ZNF469: variants seen among roughly 807,000 people sequenced by gnomAD.
ZNF469 encodes the protein zinc finger protein 469.
A neutral mutation model predicts 1.0 loss-of-function variants in ZNF469; 1 was observed. That is an observed-to-expected ratio of 1.00 (90% CI 0.35 to 4.73). The LOEUF is 4.73. Among genes scored for constraint, ZNF469 ranks in the 30% most tolerant of loss-of-function variants. ZNF469 has a pLI of 0.16. For synonymous variants in ZNF469, 2,703 were observed against 2,363.4 expected, an observed-to-expected ratio of 1.14 and a Z score of -4.17; for missense variants, 6,100 against 5,356.3, an observed-to-expected ratio of 1.14 and a Z score of -4.33.
At position 88,436,855 on chromosome 16, in the gene ZNF469, G is replaced by A. The variant is rs1440676014; in HGVS notation, c.9385G>A (p.Glu3129Lys). 7 of 1,529,222 alleles carry A rather than the reference G, an allele frequency of 4.6e-6. No homozygotes were observed. The highest frequency in any genetic ancestry group is 2.0e-5 in the Admixed American group (1 of 49,952). The allele number at this position is 1,529,222 out of a possible 1,614,324, so 94.7% of individuals were successfully genotyped here. ...CTTCCAGCGCTTCCGCAGCCTGGGC[G>A]AGCTGGACCTGCACAAGCTGGCCCA... ...VCFQRFRSLG[E>K]LDLHKLAHTP... Residue 3129 changes from glutamate to lysine, a missense_variant, in exon 3 of 3, where the codon GAG (glutamate) becomes AAG (lysine). Transcript: ENST00000565624.
intron 1 of ZNF469, among the ~76,000 whole-genome samples, chr16:88,417,897 C>A (rs939363455): frequency 3.3e-5 from 5 of 152,216 alleles, no homozygotes; most frequent in African/African-American, 1.2e-4. Context: ...TGAGCATGTG[C>A]TCACGCGTGT....
At chr16:88,359,023 C>T in the ZNF469 span, among the ~76,000 whole-genome samples, 3 of 152,218 alleles carry the variant, frequency 2.0e-5, no homozygotes, top group East Asian at 3.9e-4. Flanking sequence ...TACGGGGACT[C>T]CCCCTAGAAG....
Position 88,436,934 on chromosome 16 carries a change from C to T in ZNF469, c.9464C>T (p.Ser3155Leu), listed in dbSNP as rs953786373. The change falls in exon 3 of 3, where the codon TCG becomes TTG. Residue 3155 changes from serine to leucine, a missense_variant. By Grantham distance (145) the Ser-to-Leu change is moderately radical. Transcript: ENST00000565624. Reference protein sequence around the residue: ...CYMCVERRFGSRELLRGHLQE... With the variant: ...CYMCVERRFGLRELLRGHLQE... ...ATGTGCGTGGAGCGCAGGTTTGGCT[C>T]GCGGGAGCTGCTGCGGGGGCACCTG... 1.3e-6 allele frequency: 2 copies of T among 1,492,600 alleles called. No homozygotes were observed. The highest frequency in any genetic ancestry group is 1.8e-6 in the Non-Finnish European group (2 of 1,122,352). The allele number at this position is 1,492,600 out of a possible 1,614,324, so 92.5% of individuals were successfully genotyped here. A position where few individuals can be genotyped will look rare whatever the true frequency, so the allele number is the denominator to read the frequency against.
chr16:88,229,478 C>A, the ZNF469 span, among the ~76,000 whole-genome samples: 3 of 152,142 alleles, frequency 2.0e-5, no homozygotes, highest in Non-Finnish European at 2.9e-5. Context: ...GTGGTCATTA[C>A]GTGCGGTGCT....
the ZNF469 span, among the ~76,000 whole-genome samples, chr16:88,226,488 C>T: frequency 3.9e-5 from 6 of 152,060 alleles, no homozygotes; most frequent in South Asian, 2.1e-4. Flanking sequence ...CAGAAGGAGC[C>T]GGCCCTGCCC....
the ZNF469 span, among the ~76,000 whole-genome samples, chr16:88,376,042 C>G: frequency 3.3e-5 from 5 of 152,184 alleles, no homozygotes; most frequent in African/African-American, 7.2e-5. Context: ...AAAGAAAACC[C>G]GCGTACACTG....
chr16:88,257,811 T>G, the ZNF469 span, among the ~76,000 whole-genome samples: 1 of 152,204 alleles, frequency 6.6e-6, no homozygotes. Flanking sequence ...CAGACCATGC[T>G]TCTATCCATA....
chr16:88,256,904 T>TCTCTCTCTCTCTCTCTCTCTCTCTC, the ZNF469 span, among the ~76,000 whole-genome samples: 1 of 15,856 alleles, frequency 6.3e-5, no homozygotes, highest in African/African-American at 2.0e-4. Context: ...CCTTCTTTCT[T>TCTCTCTCTCTCTCTCTCTCTCTCTC]TCTTTCTTTC....
At chr16:88,319,391 G>A in the ZNF469 span, among the ~76,000 whole-genome samples, 1 of 152,160 alleles carries the variant, frequency 6.6e-6, no homozygotes, top group Non-Finnish European at 1.5e-5. Flanking sequence ...CCACACAGGA[G>A]GTGCAAGGAT....
chr16:88,352,545 T>C, the ZNF469 span, among the ~76,000 whole-genome samples: 5 of 152,182 alleles, frequency 3.3e-5, no homozygotes, highest in African/African-American at 9.6e-5. Flanking sequence ...GGCAGGTTCC[T>C]GAAGCCCTCA....
chr16:88,242,000 G>A, the ZNF469 span, among the ~76,000 whole-genome samples: 22 of 152,306 alleles, frequency 1.4e-4, no homozygotes, highest in East Asian at 1.7e-3. The surrounding 1 kb of genome is among the most constrained non-coding windows in gnomAD (Gnocchi z 4.8). Context: ...GGTTCATGCC[G>A]TACCCAGGGA....
chr16:88,218,680 T>C, the ZNF469 span, among the ~76,000 whole-genome samples: 1 of 150,588 alleles, frequency 6.6e-6, no homozygotes, highest in African/African-American at 2.4e-5. Context: ...GGGCAAAAAC[T>C]GGAAGCATTC....
At chr16:88,157,743 GC>G in the ZNF469 span, among the ~76,000 whole-genome samples, 2 of 152,174 alleles carry the variant, frequency 1.3e-5, no homozygotes, top group Admixed American at 6.5e-5. Flanking sequence ...CCTTCCCTCA[GC>G]CCCCATCCCG....
the ZNF469 span, among the ~76,000 whole-genome samples, chr16:88,182,867 C>T: frequency 6.6e-6 from 1 of 151,970 alleles, no homozygotes; most frequent in Non-Finnish European, 1.5e-5. Flanking sequence ...AAAAACATAA[C>T]CCTAAAAGAA....
At chr16:88,268,518 A>C in the ZNF469 span, among the ~76,000 whole-genome samples, 1 of 152,134 alleles carries the variant, frequency 6.6e-6, no homozygotes, top group Non-Finnish European at 1.5e-5. Context: ...TATTTTGTGG[A>C]CTGTCCCTCA....
chr16:88,279,432 G>C, the ZNF469 span, among the ~76,000 whole-genome samples: 5,799 of 147,644 alleles, frequency 0.039, 416 homozygotes, highest in African/African-American at 0.14. Context: ...CACTCGGTCA[G>C]TACCATGTAG....
chr16:88,381,253 CACACGCACTCACACAG>C (rs1158997885), upstream of ZNF469, among the ~76,000 whole-genome samples: 1 of 149,960 alleles, frequency 6.7e-6, no homozygotes, highest in Non-Finnish European at 1.5e-5. Flanking sequence ...GACATGCACT[CACACGCACTCACACAG>C]ACATGCACTC....
At chr16:88,320,899 A>G in the ZNF469 span, among the ~76,000 whole-genome samples, 5 of 152,108 alleles carry the variant, frequency 3.3e-5, no homozygotes, top group Non-Finnish European at 7.4e-5. Flanking sequence ...GCCCCCTCAG[A>G]CTCTGCAAGT....
chr16:88,382,186 G>A (rs1419263353), upstream of ZNF469, among the ~76,000 whole-genome samples: 3 of 152,238 alleles, frequency 2.0e-5, no homozygotes, highest in East Asian at 1.9e-4. Context: ...AGGCCCACAC[G>A]CCCCTGTCTG....
Sources: gnomAD v4.1 joint callset for allele counts (sites outside exome capture counted in the v4.1 genomes callset) on GRCh38, gnomAD v4.1.1 for gene constraint, Gnocchi (gnomAD v3.1) non-coding constraint, MANE v1.5 for transcripts, NCBI Gene and HGNC (gene_info 2026-07-23, HGNC 2026-07-21) for gene names.